The following PACS2 variants were observed in gnomAD, a reference collection of about 807,000 sequenced individuals.
PACS2 encodes the protein PACS1-like protein.
In PACS2, 36 loss-of-function variants were observed where a neutral mutation model predicts 113.0. The observed-to-expected ratio is 0.32, with a 90% confidence interval of 0.24 to 0.42. PACS2 has a LOEUF of 0.42. PACS2 is among the 10% of genes least tolerant of loss of function. The pLI is 1.00. For missense variants in PACS2, 1,015 were observed against 1,239.5 expected (o/e 0.82, Z 2.72); for synonymous variants, 589 against 536.1 (o/e 1.10, Z -1.36).
At position 105,385,673 on chromosome 14, in the gene PACS2, C is replaced by T. The variant is rs1595167813; in HGVS notation, c.2001-12C>T. The T allele has an allele frequency of 1.4e-5, 21 of 1,518,568 alleles. No individual in the cohort carries two copies. The highest frequency in any genetic ancestry group is 1.8e-5 in the Non-Finnish European group (21 of 1,135,634). The allele number at this position is 1,518,568 out of a possible 1,614,324, so 94.1% of individuals were successfully genotyped here. Reference sequence around the variant, plus strand: ...ACGTGTCTGTTTTCTCTTTTGGTGGCTTTCTGAAAAGGAAAAAGCATTTTC... The same window carrying T: ...ACGTGTCTGTTTTCTCTTTTGGTGGTTTTCTGAAAAGGAAAAAGCATTTTC... On this transcript the variant is annotated splice_polypyrimidine_tract_variant and intron_variant, in intron 18 of 24. Transcript: ENST00000447393.
chr14:105,334,918 C>G (rs587629869), intron 1 of PACS2, among the ~76,000 whole-genome samples: 2 of 152,382 alleles, frequency 1.3e-5, no homozygotes, highest in South Asian at 2.1e-4. Context: ...GGGAGGGGCT[C>G]CCCTCCATGG....
rs959375467 is a variant in PACS2, at chr14:105,365,612, G to A, written c.424-1601G>A. Among the ~76,000 whole-genome samples, 11 of 152,280 alleles carry A rather than the reference G, an allele frequency of 7.2e-5. No individual in the cohort carries two copies. The highest frequency in any genetic ancestry group is 2.1e-4 in the South Asian group (1 of 4,828). ...GGGCCCAGACCCCTCTGAGCCCCGT[G>A]GAGGTTGGTATGAGCAGGTGCAGCA... is the stretch of plus-strand genomic sequence containing the variant. On this transcript the variant is annotated intron_variant, in intron 4 of 24. Coordinates refer to ENST00000447393, the MANE Select transcript of PACS2 (RefSeq NM_001100913.3). This position sits in a 1 kb window ranked among gnomAD's most constrained non-coding sequence, Gnocchi z 5.1.
intron 1 of PACS2, among the ~76,000 whole-genome samples, chr14:105,303,606 T>C (rs1425764753): frequency 6.6e-6 from 1 of 152,200 alleles, no homozygotes; most frequent in Non-Finnish European, 1.5e-5. Context: ...CCTTTATAAA[T>C]AGGCATTTTA....
chr14:105,393,397 C>A, intron 24 of PACS2, 62 bp downstream of exon 24: 1 of 1,123,468 alleles, frequency 8.9e-7, no homozygotes, highest in Non-Finnish European at 1.3e-6. Flanking sequence ...AGCAAGGCTG[C>A]TTTGGAGCCC....
intron 8 of PACS2, among the ~76,000 whole-genome samples, chr14:105,373,467 A>C (rs190769356): frequency 1.2e-4 from 19 of 152,356 alleles, no homozygotes; most frequent in Admixed American, 1.2e-3. Flanking sequence ...CCATGGGGGA[A>C]GAATAGTCTT....
intron 1 of PACS2, among the ~76,000 whole-genome samples, chr14:105,341,354 A>T (rs782797159): frequency 6.6e-6 from 1 of 152,196 alleles, no homozygotes; most frequent in Non-Finnish European, 1.5e-5. Context: ...AACAGATAAC[A>T]CTGTGGGTAT....
chr14:105,357,653 G>A lies in PACS2; in HGVS notation c.423+2476G>A, dbSNP rs587668320. ...GCTGGCTTGTTGAGAGTATGAGCAC[G>A]GGAGATTGCGGAGGCGGGACAGCCC... On this transcript the variant is annotated intron_variant, in intron 4 of 24. Transcript: ENST00000447393. The surrounding 1 kb of genome is among the most constrained non-coding windows in gnomAD (Gnocchi z 5.1). Among the ~76,000 whole-genome samples the A allele has an allele frequency of 8.5e-5, 13 of 152,310 alleles. No individual in the cohort carries two copies. In the East Asian group the frequency reaches 2.3e-3, roughly 27 times the overall value.
At chr14:105,369,402 G>A (rs587645489) in intron 7 of PACS2, among the ~76,000 whole-genome samples, 11 of 152,318 alleles carry the variant, frequency 7.2e-5, no homozygotes, top group South Asian at 2.1e-4. Context: ...GGCTGGAGCC[G>A]AGGTTCTGCA....
chr14:105,392,983 G>A, intron 23 of PACS2, 138 bp downstream of exon 23: 1 of 715,278 alleles, frequency 1.4e-6, no homozygotes, highest in Non-Finnish European at 2.4e-6. Context: ...CGGGTGGGGT[G>A]AGGGAGCCTG....
intron 19 of PACS2, 194 bp from the exon 20 acceptor site, chr14:105,389,746 AGGGGCCCAGGCGTTGGTCCTG>A: frequency 1.7e-6 from 1 of 599,406 alleles, no homozygotes; most frequent in East Asian, 2.7e-5. Context: ...GCATGTCAGA[AGGGGCCCAGGCGTTGGTCCTG>A]GGGGCCAGGC....
rs587614619 is a variant in PACS2, at chr14:105,380,092, G to A, written c.1063G>A (p.Glu355Lys). The A allele has an allele frequency of 1.9e-5, 30 of 1,552,854 alleles. 1 individual carries two copies. The highest frequency in any genetic ancestry group is 1.9e-4 in the South Asian group (16 of 84,170). Residue 355 changes from glutamate to lysine, a missense_variant, in exon 11 of 25, where the codon GAG becomes AAG. Physicochemically the swap from Glu to Lys is moderately conservative, Grantham distance 56. Transcript: ENST00000447393. ...KEPPSPADVP[E>K]KTRSLGGRQP... ...TCCTCCCCCACAGGCTGACGTGCCC[G>A]AGAAGACGCGGTCCCTGGGAGGCAG...
In PACS2 at chr14:105,324,309, G is replaced by A. The variant is rs144546012; in HGVS notation, c.119+9272G>A. 0.014 allele frequency among the ~76,000 whole-genome samples: 2,185 copies of A among 152,274 alleles called. 57 individuals are homozygous for A. The highest frequency in any genetic ancestry group is 0.05 in the African/African-American group (2,092 of 41,552). ...GTGTGTGGTGGTGGCAGGCAGTGGC[G>A]TTGCCGAGACAGGGTGCTCAGGTGC... is the stretch of plus-strand genomic sequence containing the variant. On this transcript the variant is annotated intron_variant, in intron 1 of 24. Transcript: ENST00000447393. The surrounding 1 kb of genome is among the most constrained non-coding windows in gnomAD (Gnocchi z 4.7).
intron 8 of PACS2, chr14:105,372,148 G>C (rs2061178804): frequency 6.6e-6 from 1 of 152,328 alleles, no homozygotes; most frequent in African/African-American, 2.4e-5. Flanking sequence ...GCCACACAGT[G>C]GGTCTGGTGA....
chr14:105,332,563 A>G (rs587742913), intron 1 of PACS2, among the ~76,000 whole-genome samples: 8 of 152,322 alleles, frequency 5.3e-5, no homozygotes, highest in Non-Finnish European at 1.2e-4. Flanking sequence ...GGCACAGGCA[A>G]TGGTGGGGCT....
Position 105,376,022 on chromosome 14 carries a change from T to C in PACS2, c.802-746T>C, listed in dbSNP as rs2061340778. On this transcript the variant is annotated intron_variant, in intron 8 of 24. Coordinates refer to ENST00000447393, the MANE Select transcript of PACS2 (RefSeq NM_001100913.3). This position sits in a 1 kb window ranked among gnomAD's most constrained non-coding sequence, Gnocchi z 4.7. ...CAGAAGGGGAAGCAGGCACCTTCTT[T>C]ATGGGGCAGCAGGTCGGAGTGGGTG... 1.3e-5 allele frequency among the ~76,000 whole-genome samples: 2 copies of C among 152,142 alleles called. No homozygotes were observed. Among genetic ancestry groups the C allele is most frequent in the African/African-American group, 2.4e-5 (1 of 41,510 alleles).
upstream of PACS2, chr14:105,314,663 G>C (rs1211721910): frequency 7.0e-6 from 1 of 143,850 alleles, no homozygotes; most frequent in Non-Finnish European, 1.5e-5. Flanking sequence ...CGCCGGCGCG[G>C]GTCGGAGGGC....
intron 1 of PACS2, among the ~76,000 whole-genome samples, chr14:105,331,212 C>T (rs2059292584): frequency 2.0e-5 from 3 of 152,206 alleles, no homozygotes. Context: ...GCCTCGGCCT[C>T]CCAAAGTGCT....
At chr14:105,359,973 C>T (rs1042664959) in intron 4 of PACS2, among the ~76,000 whole-genome samples, 1 of 152,186 alleles carries the variant, frequency 6.6e-6, no homozygotes, top group African/African-American at 2.4e-5. Flanking sequence ...TAAATACTTA[C>T]CATCTGTAAC....
chr14:105,376,888 G>T lies in PACS2; in HGVS notation c.922G>T (p.Asp308Tyr), dbSNP rs1555410606. ...CGACAGCGGCCCCGACATGGAGGAT[G>T]ACGACAGCGTCCTCAGCACCCCCAA... ...PSDSGPDMED[D>Y]DSVLSTPKPK... Residue 308 changes from aspartate to tyrosine, a missense_variant, in exon 9 of 25, where the codon GAC becomes TAC. Asp to Tyr is a radical substitution (Grantham distance 160). Transcript: ENST00000447393. The surrounding 1 kb of genome is among the most constrained non-coding windows in gnomAD (Gnocchi z 4.7). The T allele has an allele frequency of 6.2e-7, 1 of 1,612,678 alleles. No homozygotes were observed. Among genetic ancestry groups the T allele is most frequent in the Non-Finnish European group, 8.5e-7 (1 of 1,179,686 alleles).
Sources: allele counts gnomAD v4.1 joint callset (sites outside exome capture counted in the v4.1 genomes callset), GRCh38; gene constraint gnomAD v4.1.1; non-coding constraint Gnocchi (gnomAD v3.1); transcripts MANE v1.5; gene names NCBI Gene and HGNC (gene_info 2026-07-23, HGNC 2026-07-21).